Variants in TNNI3K observed in about 807,000 individuals in gnomAD.
The protein encoded by TNNI3K is serine/threonine-protein kinase TNNI3K.
A neutral mutation model predicts 114.5 loss-of-function variants in TNNI3K; 140 were observed. The observed-to-expected ratio is 1.22, with a 90% CI of 1.07 to 1.41. The LOEUF (loss-of-function observed/expected upper bound fraction) is 1.41, where lower values mean the gene tolerates loss of function less well. Among genes scored for constraint, TNNI3K ranks in the 40% most tolerant of loss-of-function variants. The probability of loss-of-function intolerance (pLI) is 0.00; values close to 1 mark genes in which losing one functional copy is unlikely to be tolerated. For missense variants in TNNI3K, 1,125 were observed against 1,007.6 expected, an observed-to-expected ratio of 1.12 and a Z score of -1.58; for synonymous variants, 347 against 347.5, an observed-to-expected ratio of 1.00 and a Z score of 0.02.
chr1:74,240,561 A>G (rs1643257348), intron 2 of TNNI3K: 1 of 152,218 alleles, frequency 6.6e-6, no homozygotes, highest in East Asian at 1.9e-4. Context: ...TGAATATTAT[A>G]CAACCTTTTT....
chr1:74,483,276 A>G (rs775034724), intron 21 of TNNI3K: 3 of 717,468 alleles, frequency 4.2e-6, no homozygotes, highest in African/African-American at 1.7e-5. Flanking sequence ...TATATAGGTT[A>G]GCTGGTGACA....
rs1344205662 is a variant in TNNI3K at position 74,367,839 on chromosome 1, T to A, written c.1265-69T>A. The A allele has an allele frequency of 1.3e-5, 18 of 1,428,444 alleles. No homozygotes were observed. The East Asian group carries it at 4.3e-4, about 34-fold the overall frequency. The allele number at this position is 1,428,444 out of a possible 1,614,324, so 88.5% of individuals were successfully genotyped here. ...TCGTTTCGTCACCTGCTTATTTTTA[T>A]AATGTTGAACTTTTATGTAGAAAAA... On this transcript the variant is annotated intron_variant, in intron 12 of 24. Coordinates refer to ENST00000326637, the MANE Select transcript of TNNI3K (RefSeq NM_015978.3).
chr1:74,241,215 T>G (rs1654182195), intron 2 of TNNI3K, among the ~76,000 whole-genome samples: 1 of 152,200 alleles, frequency 6.6e-6, no homozygotes, highest in African/African-American at 2.4e-5. Context: ...GTCTTTGCTA[T>G]TGTGAATAGT....
At chr1:74,465,753 T>G (rs1282638047) in intron 21 of TNNI3K, among the ~76,000 whole-genome samples, 1 of 152,174 alleles carries the variant, frequency 6.6e-6, no homozygotes, top group Non-Finnish European at 1.5e-5. Context: ...AACTTTTATG[T>G]CTATCTAGAG....
At chr1:74,308,997 G>T (rs1365831051) in intron 5 of TNNI3K, among the ~76,000 whole-genome samples, 1 of 152,070 alleles carries the variant, frequency 6.6e-6, no homozygotes, top group Non-Finnish European at 1.5e-5. Flanking sequence ...TTATGAAACT[G>T]AATCAGTGAT....
At chr1:74,262,002 T>G (rs1387026795) in intron 4 of TNNI3K, among the ~76,000 whole-genome samples, 1 of 152,154 alleles carries the variant, frequency 6.6e-6, no homozygotes, top group African/African-American at 2.4e-5. Flanking sequence ...AAACTCTGAC[T>G]TTTCTATCAG....
chr1:74,253,191 T>A (rs1655054101), intron 4 of TNNI3K, among the ~76,000 whole-genome samples: 1 of 152,098 alleles, frequency 6.6e-6, no homozygotes, highest in Admixed American at 6.5e-5. Context: ...AGATACAGAG[T>A]GCTGATTGGC....
At chr1:74,292,833 A>G (rs1657763799) in intron 5 of TNNI3K, among the ~76,000 whole-genome samples, 1 of 151,566 alleles carries the variant, frequency 6.6e-6, no homozygotes, top group South Asian at 2.1e-4. Context: ...TTGTAGTTCT[A>G]TAAGGTTTTG....
chr1:74,521,463 C>T (rs1199091376), intron 23 of TNNI3K, among the ~76,000 whole-genome samples: 1 of 128,080 alleles, frequency 7.8e-6, no homozygotes, highest in Non-Finnish European at 1.9e-5. Context: ...AAATCCTTAC[C>T]TTATCTCTCT....
chr1:74,468,680 A>G (rs927520607), intron 21 of TNNI3K: 7 of 152,136 alleles, frequency 4.6e-5, no homozygotes, highest in Non-Finnish European at 8.8e-5. Flanking sequence ...AGGTTTATAA[A>G]GCTTATTTAT....
chr1:74,266,376 C>A (rs1405332548), intron 4 of TNNI3K, among the ~76,000 whole-genome samples: 1 of 151,950 alleles, frequency 6.6e-6, no homozygotes, highest in Admixed American at 6.6e-5. Context: ...TCAGGGCTCC[C>A]AGAGTGTGTT....
intron 5 of TNNI3K, among the ~76,000 whole-genome samples, chr1:74,325,629 A>T (rs1419713239): frequency 1.3e-5 from 2 of 152,184 alleles, no homozygotes; most frequent in Non-Finnish European, 2.9e-5. Context: ...TTTCCAGAGA[A>T]ATATCCCTGG....
chr1:74,367,490 C>G (rs1035513205), intron 12 of TNNI3K, 148 bp downstream of exon 12: 45 of 805,884 alleles, frequency 5.6e-5, no homozygotes, highest in Non-Finnish European at 9.3e-6. Context: ...AACCTTATGT[C>G]TGGGAGAGGC....
chr1:74,350,486 A>C (rs111829527), intron 9 of TNNI3K, among the ~76,000 whole-genome samples: 11,174 of 152,120 alleles, frequency 0.073, 584 homozygotes, highest in African/African-American at 0.14. Flanking sequence ...TATTAGGTCC[A>C]CTTGGTGCAG....
chr1:74,409,187 G>A lies in TNNI3K; in HGVS notation c.1773-26893G>A, dbSNP rs754650147. Reference sequence around the variant, plus strand: ...CTTGAGGACACTGAGGTTAAGAGAAGTTATATTAATTGCCCAAGGTCATGT... The same window carrying A: ...CTTGAGGACACTGAGGTTAAGAGAAATTATATTAATTGCCCAAGGTCATGT... On this transcript the variant is annotated intron_variant, in intron 17 of 24. Coordinates refer to ENST00000326637, the MANE Select transcript of TNNI3K (RefSeq NM_015978.3). Among the ~76,000 whole-genome samples, 10 of 152,062 alleles carry A rather than the reference G, an allele frequency of 6.6e-5. 1 individual carries two copies. The highest frequency in any genetic ancestry group is 1.5e-5 in the Non-Finnish European group (1 of 68,004).
At chr1:74,371,605 A>G (rs1160101136) in intron 17 of TNNI3K, 2 of 151,972 alleles carry the variant, frequency 1.3e-5, no homozygotes, top group Non-Finnish European at 2.9e-5. Flanking sequence ...TTAAAGGTAT[A>G]TATAGGAACT....
chr1:74,267,488 A>T (rs539636833), intron 4 of TNNI3K, among the ~76,000 whole-genome samples: 1 of 152,116 alleles, frequency 6.6e-6, no homozygotes, highest in Non-Finnish European at 1.5e-5. Flanking sequence ...AGTAAGGTTC[A>T]GTTAGCACTT....
At chr1:74,251,312 A>G (rs1423429717) in intron 4 of TNNI3K, among the ~76,000 whole-genome samples, 2 of 152,212 alleles carry the variant, frequency 1.3e-5, no homozygotes. Context: ...AAACTGGGAT[A>G]CTTAGTGTTG....
At chr1:74,540,409 A>G in intron 24 of TNNI3K, 96 bp downstream of exon 24, 2 of 1,136,416 alleles carry the variant, frequency 1.8e-6, no homozygotes, top group Non-Finnish European at 2.5e-6. Flanking sequence ...ATATTGTAAT[A>G]TCCAAAATGA....
Sources: gnomAD v4.1 joint callset for allele counts (sites outside exome capture counted in the v4.1 genomes callset) on GRCh38, gnomAD v4.1.1 for gene constraint, MANE v1.5 for transcripts, NCBI Gene and HGNC (gene_info 2026-07-23, HGNC 2026-07-21) for gene names.